DNAH7: variants seen among roughly 807,000 people sequenced by gnomAD.
The protein encoded by DNAH7 is axonemal beta dynein heavy chain 7.
In DNAH7, 397 loss-of-function variants were observed where a neutral mutation model predicts 444.6. The observed-to-expected ratio is 0.89, with a 90% CI of 0.82 to 0.97. DNAH7 has a LOEUF of 0.97. Ranked by LOEUF, DNAH7 falls within the 50% of genes least tolerant of loss-of-function variation. The pLI is 0.00. For synonymous variants in DNAH7, 1,636 were observed against 1,624.4 expected, an observed-to-expected ratio of 1.01 and a Z score of -0.17; for missense variants, 4,902 against 4,800.8, an observed-to-expected ratio of 1.02 and a Z score of -0.62.
chr2:195,997,548 AAC>A (rs1693774233), intron 12 of DNAH7, among the ~76,000 whole-genome samples: 2 of 152,178 alleles, frequency 1.3e-5, no homozygotes, highest in African/African-American at 4.8e-5. Context: ...TCTCCTAATT[AAC>A]AGTTATGAGA....
At chr2:195,934,558 C>T (rs776288209) in intron 21 of DNAH7, 33 bp downstream of exon 21, 2 of 1,590,002 alleles carry the variant, frequency 1.3e-6, no homozygotes, top group Non-Finnish European at 1.7e-6. Flanking sequence ...ATTCTAGCAT[C>T]CTTTTCTAAA....
At chr2:195,872,791 G>C (rs1055808095) in intron 39 of DNAH7, among the ~76,000 whole-genome samples, 1 of 151,922 alleles carries the variant, frequency 6.6e-6, no homozygotes, top group African/African-American at 2.4e-5. Context: ...AAATCCACTA[G>C]ACAAGTATTT....
At chr2:195,829,890 A>C (rs1193915725) in intron 48 of DNAH7, among the ~76,000 whole-genome samples, 1 of 152,058 alleles carries the variant, frequency 6.6e-6, no homozygotes, top group East Asian at 1.9e-4. Context: ...ATTTCAAAGA[A>C]ATATATCCTT....
chr2:195,933,067 T>C (rs1688808920), intron 21 of DNAH7, among the ~76,000 whole-genome samples: 1 of 152,188 alleles, frequency 6.6e-6, no homozygotes, highest in Non-Finnish European at 1.5e-5. Context: ...TTTTGGTTGG[T>C]AAGCTATTAA....
At chr2:195,790,476 A>G (rs921769341) in intron 57 of DNAH7, among the ~76,000 whole-genome samples, 1 of 151,648 alleles carries the variant, frequency 6.6e-6, no homozygotes, top group Non-Finnish European at 1.5e-5. Flanking sequence ...AAAAAAAAAA[A>G]AAAAAGAAAA....
rs1691518389 is a variant in DNAH7, at chr2:195,966,932, G to C, written c.2205+3016C>G. ...ATCCATGCTATATCTTTTGATTAGA[G>C]AAGTTAGTCCATTTACATTCAATAT... On this transcript the variant is annotated intron_variant, in intron 17 of 64. Coordinates refer to ENST00000312428, the MANE Select transcript of DNAH7 (RefSeq NM_018897.3). 2.0e-5 allele frequency among the ~76,000 whole-genome samples: 3 copies of C among 152,098 alleles called. No homozygotes were observed. In the South Asian group the frequency reaches 6.2e-4, roughly 32 times the overall value.
intron 51 of DNAH7, among the ~76,000 whole-genome samples, chr2:195,810,808 A>G (rs1325145752): frequency 6.6e-6 from 1 of 152,210 alleles, no homozygotes; most frequent in African/African-American, 2.4e-5. Flanking sequence ...TTGAATTCTT[A>G]GAAGACTTAA....
chr2:195,793,424 G>C (rs1009027604), intron 57 of DNAH7, among the ~76,000 whole-genome samples: 1 of 152,146 alleles, frequency 6.6e-6, no homozygotes, highest in Non-Finnish European at 1.5e-5. Flanking sequence ...TTTTGATCTA[G>C]AAGAAAGGGA....
intron 57 of DNAH7, among the ~76,000 whole-genome samples, chr2:195,792,478 T>C (rs1265058225): frequency 7.0e-6 from 1 of 142,950 alleles, no homozygotes; most frequent in African/African-American, 2.6e-5. Flanking sequence ...GAGATATCAA[T>C]GTCATAAAAG....
At chr2:195,822,720 G>A (rs1697529372) in intron 49 of DNAH7, among the ~76,000 whole-genome samples, 1 of 152,120 alleles carries the variant, frequency 6.6e-6, no homozygotes, top group Non-Finnish European at 1.5e-5. Flanking sequence ...ACCATAACCA[G>A]TTATTAGTGA....
At chr2:195,938,049 TA>T (rs931539362) in intron 19 of DNAH7, among the ~76,000 whole-genome samples, 105 of 152,246 alleles carry the variant, frequency 6.9e-4, no homozygotes, top group African/African-American at 2.3e-3. Context: ...ATGTAACCAG[TA>T]AATTTTTTCC....
chr2:195,955,644 G>A (rs1361595028), intron 19 of DNAH7, among the ~76,000 whole-genome samples: 1 of 151,990 alleles, frequency 6.6e-6, no homozygotes, highest in Non-Finnish European at 1.5e-5. Context: ...TATTTACAAG[G>A]CCCAACACAG....
chr2:195,740,059 C>T (rs1346274250), intron 64 of DNAH7, among the ~76,000 whole-genome samples: 1 of 152,132 alleles, frequency 6.6e-6, no homozygotes, highest in Non-Finnish European at 1.5e-5. Context: ...TCTAAGCTCA[C>T]CGCAACCTCC....
At chr2:195,872,529 A>C in intron 39 of DNAH7, 60 bp from the exon 40 acceptor site, 1 of 1,175,830 alleles carries the variant, frequency 8.5e-7, no homozygotes, top group East Asian at 2.6e-5. Flanking sequence ...ATTACGACAC[A>C]AAAAGGATAT....
At chr2:195,976,557 C>A (rs1269161869) in intron 15 of DNAH7, among the ~76,000 whole-genome samples, 1 of 151,974 alleles carries the variant, frequency 6.6e-6, no homozygotes, top group Admixed American at 6.6e-5. Context: ...AATTGTAGAG[C>A]CCTAGGGCCT....
chr2:195,738,700 TTAAAAA>T (rs1160917404), intron 64 of DNAH7, among the ~76,000 whole-genome samples: 1 of 152,184 alleles, frequency 6.6e-6, no homozygotes, highest in Non-Finnish European at 1.5e-5. Flanking sequence ...CTCATCAATC[TTAAAAA>T]TAAGATTTTG....
chr2:195,997,432 G>A (rs538001115), intron 12 of DNAH7, among the ~76,000 whole-genome samples: 3 of 152,242 alleles, frequency 2.0e-5, no homozygotes, highest in South Asian at 2.1e-4. Context: ...GGAGAATCGC[G>A]TGAACCCAGG....
At chr2:195,765,201 C>T (rs1284245783) in intron 61 of DNAH7, among the ~76,000 whole-genome samples, 3 of 152,060 alleles carry the variant, frequency 2.0e-5, no homozygotes, top group African/African-American at 4.8e-5. Flanking sequence ...TGAAACCAGA[C>T]CCCCATCTTG....
At chr2:195,830,224 A>T (rs768717973) in intron 48 of DNAH7, among the ~76,000 whole-genome samples, 18 of 152,202 alleles carry the variant, frequency 1.2e-4, no homozygotes, top group Non-Finnish European at 1.9e-4. Flanking sequence ...TGCAAAGCTT[A>T]TGGGAAATCA....
Sources: allele counts gnomAD v4.1 joint callset (sites outside exome capture counted in the v4.1 genomes callset), GRCh38; gene constraint gnomAD v4.1.1; transcripts MANE v1.5; gene names NCBI Gene and HGNC (gene_info 2026-07-23, HGNC 2026-07-21).